The following PRKG1 variants were observed in gnomAD, a reference collection of about 807,000 sequenced individuals.
PRKG1 encodes cGMP-dependent protein kinase 1.
Under a neutral mutation model 88.1 loss-of-function variants are expected in PRKG1, and 35 were observed. The observed-to-expected ratio is 0.40, with a 90% CI of 0.30 to 0.53. The LOEUF is 0.53. Ranked by LOEUF, PRKG1 falls within the 20% of genes least tolerant of loss-of-function variation. The probability of loss-of-function intolerance (pLI) is 0.59; values close to 1 mark genes in which losing one functional copy is unlikely to be tolerated. For synonymous variants in PRKG1, 303 were observed against 292.5 expected, an observed-to-expected ratio of 1.04 and a Z score of -0.37; for missense variants, 540 against 839.8, an observed-to-expected ratio of 0.64 and a Z score of 4.41.
intron 2 of PRKG1, among the ~76,000 whole-genome samples, chr10:51,465,157 C>T (rs373921620): frequency 3.9e-5 from 6 of 151,974 alleles, no homozygotes; most frequent in Non-Finnish European, 7.4e-5. Context: ...TCCTATGGGG[C>T]GAATATCTTA....
At chr10:51,402,410 G>A (rs1837775036) in intron 2 of PRKG1, among the ~76,000 whole-genome samples, 1 of 152,126 alleles carries the variant, frequency 6.6e-6, no homozygotes, top group Non-Finnish European at 1.5e-5. Context: ...ACATGAAAAA[G>A]GGTCATTGCA....
chr10:52,130,519 G>A, intron 7 of PRKG1, among the ~76,000 whole-genome samples: 1 of 152,186 alleles, frequency 6.6e-6, no homozygotes, highest in South Asian at 2.1e-4. Flanking sequence ...TTTAAAGGAT[G>A]TGGGCACTTT....
chr10:52,173,400 T>C (rs1838765634), intron 9 of PRKG1, among the ~76,000 whole-genome samples: 1 of 152,194 alleles, frequency 6.6e-6, no homozygotes. Context: ...CATTAGAAAA[T>C]TATAGACTAC....
At chr10:52,176,773 A>G (rs1250372659) in intron 9 of PRKG1, among the ~76,000 whole-genome samples, 1 of 152,134 alleles carries the variant, frequency 6.6e-6, no homozygotes, top group East Asian at 1.9e-4. Flanking sequence ...TATTGTAGCT[A>G]TTGTAAATAG....
chr10:51,601,400 A>G (rs965351524), intron 3 of PRKG1, among the ~76,000 whole-genome samples: 3 of 152,304 alleles, frequency 2.0e-5, no homozygotes, highest in African/African-American at 7.2e-5. Flanking sequence ...AATAATGTAA[A>G]AGATTGTTAT....
chr10:51,645,351 T>A (rs1839891755), intron 3 of PRKG1, among the ~76,000 whole-genome samples: 1 of 152,178 alleles, frequency 6.6e-6, no homozygotes, highest in African/African-American at 2.4e-5. Flanking sequence ...ATTAAAACAT[T>A]TTGCAACAAC....
At chr10:51,619,252 A>T (rs1030610833) in intron 3 of PRKG1, among the ~76,000 whole-genome samples, 1 of 152,190 alleles carries the variant, frequency 6.6e-6, no homozygotes, top group Non-Finnish European at 1.5e-5. Context: ...GGGTAGCTGA[A>T]GAAATCAATG....
At chr10:51,945,417 AGTCTGTGTCTTT>A (rs1843004168) in intron 5 of PRKG1, among the ~76,000 whole-genome samples, 1 of 150,648 alleles carries the variant, frequency 6.6e-6, no homozygotes, top group Non-Finnish European at 1.5e-5. Context: ...CCAATTTGCC[AGTCTGTGTCTTT>A]TAATTGGAGC....
intron 3 of PRKG1, among the ~76,000 whole-genome samples, chr10:51,766,076 A>G (rs995861296): frequency 1.3e-5 from 2 of 152,044 alleles, no homozygotes; most frequent in African/African-American, 4.8e-5. Flanking sequence ...TGCCCAAGAT[A>G]TCATTCAAAG....
intron 2 of PRKG1, among the ~76,000 whole-genome samples, chr10:51,205,074 C>T (rs976660066): frequency 2.7e-5 from 4 of 149,332 alleles, no homozygotes; most frequent in African/African-American, 9.9e-5. Flanking sequence ...CAGATATTAT[C>T]CCCTCTATTA....
At chr10:51,557,218 A>T (rs959551881) in intron 3 of PRKG1, among the ~76,000 whole-genome samples, 2 of 152,002 alleles carry the variant, frequency 1.3e-5, no homozygotes, top group Non-Finnish European at 2.9e-5. Context: ...CTAATATTGC[A>T]GATTAAGAAA....
intron 4 of PRKG1, among the ~76,000 whole-genome samples, chr10:51,852,228 T>TATATAC (rs967267602): frequency 1.3e-5 from 2 of 148,564 alleles, no homozygotes; most frequent in Admixed American, 6.8e-5. Flanking sequence ...TATATATATA[T>TATATAC]ACACACACAC....
intron 2 of PRKG1, among the ~76,000 whole-genome samples, chr10:51,439,480 T>C (rs1344815503): frequency 6.6e-6 from 1 of 151,922 alleles, no homozygotes. Context: ...TTTGCACTGT[T>C]GGCATTTCTA....
At chr10:51,741,755 C>A (rs1208363342) in intron 3 of PRKG1, among the ~76,000 whole-genome samples, 1 of 152,102 alleles carries the variant, frequency 6.6e-6, no homozygotes, top group Non-Finnish European at 1.5e-5. Context: ...CCTAGGGATC[C>A]TACGGTAAAA....
intron 2 of PRKG1, among the ~76,000 whole-genome samples, chr10:51,412,207 G>GAGAGAA (rs1838110129): frequency 1.6e-5 from 2 of 127,112 alleles, no homozygotes. Flanking sequence ...GAGAGAGAGA[G>GAGAGAA]AGAGAGAAAG....
At chr10:51,924,951 A>G (rs1209707054) in intron 5 of PRKG1, among the ~76,000 whole-genome samples, 1 of 128,856 alleles carries the variant, frequency 7.8e-6, no homozygotes, top group African/African-American at 3.7e-5. Flanking sequence ...TATGTTGCCT[A>G]GTTTTTTTTT....
At chr10:51,867,123 C>G (rs1026341683) in intron 4 of PRKG1, among the ~76,000 whole-genome samples, 5 of 152,042 alleles carry the variant, frequency 3.3e-5, no homozygotes, top group African/African-American at 1.2e-4. Context: ...AGGTACAGAG[C>G]AGAGGAAAAA....
intron 2 of PRKG1, among the ~76,000 whole-genome samples, chr10:51,440,415 T>C (rs1839067241): frequency 6.6e-6 from 1 of 151,874 alleles, no homozygotes. Flanking sequence ...ATTTTAACAC[T>C]AGAATTTTTT....
At chr10:51,248,655 A>C (rs749303516) in intron 2 of PRKG1, among the ~76,000 whole-genome samples, 1 of 151,826 alleles carries the variant, frequency 6.6e-6, no homozygotes, top group African/African-American at 2.4e-5. Context: ...ACTTTATTGA[A>C]CTGCATTTAT....
Sources: allele counts gnomAD v4.1 joint callset (sites outside exome capture counted in the v4.1 genomes callset), GRCh38; gene constraint gnomAD v4.1.1; transcripts MANE v1.5; gene names NCBI Gene and HGNC (gene_info 2026-07-23, HGNC 2026-07-21).